DNAH8: variants seen among roughly 807,000 people sequenced by gnomAD.
DNAH8 encodes dynein axonemal heavy chain 8, also known as axonemal beta dynein heavy chain 8.
A neutral mutation model predicts 562.1 loss-of-function variants in DNAH8; 382 were observed. The observed-to-expected ratio is 0.68, with a 90% confidence interval of 0.63 to 0.74. The LOEUF (loss-of-function observed/expected upper bound fraction) is 0.74, where lower values mean the gene tolerates loss of function less well. Among genes scored for constraint, DNAH8 ranks in the 30% least tolerant of loss-of-function variants. DNAH8 has a pLI of 0.00. For missense variants in DNAH8, 5,203 were observed against 5,620.4 expected (o/e 0.93, Z 2.37); for synonymous variants, 1,881 against 1,919.4 (o/e 0.98, Z 0.52).
intron 7 of DNAH8, 61 bp from the exon 8 acceptor site, chr6:38,741,650 A>G: frequency 7.8e-6 from 11 of 1,406,252 alleles, no homozygotes; most frequent in Admixed American, 2.4e-5. Context: ...AAAAGATGCA[A>G]TCAGATTTTA....
intron 8 of DNAH8, among the ~76,000 whole-genome samples, chr6:38,748,759 A>AATAATAATAATAATG (rs1278322149): frequency 7.1e-6 from 1 of 140,924 alleles, no homozygotes; most frequent in African/African-American, 2.6e-5. Flanking sequence ...GTCTCAAAAT[A>AATAATAATAATAATG]ATAATAATAA....
intron 36 of DNAH8, among the ~76,000 whole-genome samples, chr6:38,847,541 T>C (rs1775394931): frequency 6.6e-6 from 1 of 152,070 alleles, no homozygotes; most frequent in African/African-American, 2.4e-5. Context: ...CTTAGAGCAA[T>C]TTATGTACAA....
intron 76 of DNAH8, among the ~76,000 whole-genome samples, chr6:38,932,220 G>T (rs527687689): frequency 1.1e-4 from 2 of 18,976 alleles, no homozygotes; most frequent in Non-Finnish European, 1.5e-4. Flanking sequence ...ACACACACCC[G>T]TCTCTTTCTA....
intron 76 of DNAH8, among the ~76,000 whole-genome samples, chr6:38,933,324 TG>T (rs916081434): frequency 6.6e-5 from 10 of 152,120 alleles, no homozygotes; most frequent in African/African-American, 2.4e-4. Context: ...GCAACCTTGC[TG>T]GAGAAAAAAA....
chr6:38,946,611 C>A (rs1761448726), intron 80 of DNAH8, among the ~76,000 whole-genome samples: 2 of 152,170 alleles, frequency 1.3e-5, no homozygotes, highest in Non-Finnish European at 2.9e-5. Flanking sequence ...GAGTTTGAGA[C>A]CAGCCTGACC....
At chr6:38,817,210 C>T (rs921800007) in intron 26 of DNAH8, among the ~76,000 whole-genome samples, 27 of 151,970 alleles carry the variant, frequency 1.8e-4, no homozygotes, top group African/African-American at 4.6e-4. Context: ...CCGGGCATGG[C>T]GGCACACACC....
Position 39,030,388 on chromosome 6 carries a change from A to G in DNAH8, c.14120A>G (p.Lys4707Arg), listed in dbSNP as rs749353362. Residue 4707 changes from lysine to arginine, a missense_variant, in exon 93 of 93, where the codon AAG (lysine) becomes AGG (arginine). By Grantham distance (26) the Lys-to-Arg change is conservative. This residue lies in a region of DNAH8 where 1,399 missense variants were observed against 1,518.4 expected (regional missense o/e 0.92). Transcript: ENST00000327475. ...GGAGTGGCCCTTTTGTGTGACATCA[A>G]GTAAGTTCATTTCCATCTGCTCAGG... Reference protein sequence around the residue: ...LRGVALLCDIK With the variant: ...LRGVALLCDIR The G allele has an allele frequency of 6.2e-6, 10 of 1,613,414 alleles. No homozygotes were observed. Among genetic ancestry groups the G allele is most frequent in the Non-Finnish European group, 8.5e-6 (10 of 1,179,492 alleles).
At chr6:38,854,208 G>A (rs1775999390) in intron 41 of DNAH8, among the ~76,000 whole-genome samples, 1 of 122,990 alleles carries the variant, frequency 8.1e-6, no homozygotes, top group Non-Finnish European at 1.8e-5. Context: ...GCTTTTTCAT[G>A]CAACTAATGT....
chr6:38,815,458 C>A lies in DNAH8; in HGVS notation c.3334-10C>A, dbSNP rs1562880890. ...CGGCAGTATTACACATTTGTTTCTT[C>A]TTTCCACAGGTGATGATTCCTAGTT... On this transcript the variant is annotated splice_polypyrimidine_tract_variant and intron_variant, in intron 25 of 92. Coordinates refer to ENST00000327475, the MANE Select transcript of DNAH8 (RefSeq NM_001206927.2). The A allele has an allele frequency of 6.2e-7, 1 of 1,607,976 alleles. No individual in the cohort carries two copies.
intron 32 of DNAH8, among the ~76,000 whole-genome samples, chr6:38,837,083 G>A (rs2150362541): frequency 6.6e-6 from 1 of 152,194 alleles, no homozygotes; most frequent in African/African-American, 2.4e-5. Context: ...TAACCACCAT[G>A]CCAACCACCA....
At chr6:38,986,831 G>A (rs1764430492) in intron 87 of DNAH8, among the ~76,000 whole-genome samples, 1 of 151,636 alleles carries the variant, frequency 6.6e-6, no homozygotes, top group Non-Finnish European at 1.5e-5. Context: ...GCAGGGAAGA[G>A]TTTTATTGGC....
intron 12 of DNAH8, among the ~76,000 whole-genome samples, chr6:38,770,895 G>A (rs1225438015): frequency 6.6e-6 from 1 of 152,210 alleles, no homozygotes; most frequent in Non-Finnish European, 1.5e-5. Context: ...TGCAATGCCT[G>A]ATAGAAGTCA....
chr6:38,832,585 C>A, intron 31 of DNAH8, 150 bp downstream of exon 31: 1 of 553,068 alleles, frequency 1.8e-6, no homozygotes, highest in Non-Finnish European at 3.2e-6. Flanking sequence ...ATAGCTAATC[C>A]TTTAAACCAG....
chr6:38,861,896 T>C (rs1451985443), intron 43 of DNAH8, among the ~76,000 whole-genome samples: 2 of 151,828 alleles, frequency 1.3e-5, no homozygotes, highest in African/African-American at 2.4e-5. Context: ...TAGCTTGCCA[T>C]TGACCACAGT....
chr6:38,864,299 A>T (rs1776875953), intron 45 of DNAH8, among the ~76,000 whole-genome samples: 1 of 152,200 alleles, frequency 6.6e-6, no homozygotes, highest in African/African-American at 2.4e-5. Flanking sequence ...ATAATAATAG[A>T]TACTGTTTAT....
rs1455303378 is a variant in DNAH8 at position 39,010,852 on chromosome 6, T to C, written c.13372-1363T>C. Among the ~76,000 whole-genome samples the C allele has an allele frequency of 2.0e-5, 3 of 148,994 alleles. No individual in the cohort carries two copies. The East Asian group carries it at 6.0e-4, about 30-fold the overall frequency. On this transcript the variant is annotated intron_variant, in intron 89 of 92. Transcript: ENST00000327475. ...ATGTATGTATGTATGTATGTATGTATGTATGTATGTATAGCATATACATAT... is the reference window on the plus strand; with the variant it reads ...ATGTATGTATGTATGTATGTATGTACGTATGTATGTATAGCATATACATAT...
intron 8 of DNAH8, among the ~76,000 whole-genome samples, chr6:38,746,854 G>A (rs1387892923): frequency 1.3e-5 from 2 of 151,866 alleles, no homozygotes; most frequent in Non-Finnish European, 2.9e-5. Flanking sequence ...ACTTGAACCC[G>A]GGAGGTAGAG....
In DNAH8 at chr6:38,723,353, C is replaced by G. The variant is rs773686512; in HGVS notation, c.407C>G (p.Ala136Gly). 6.2e-7 allele frequency: 1 copy of G among 1,606,552 alleles called. No homozygotes were observed. The highest frequency in any genetic ancestry group is 8.5e-7 in the Non-Finnish European group (1 of 1,178,428). The change falls in exon 3 of 93, where the codon GCA becomes GGA. Residue 136 changes from alanine (A) to glycine (G), a missense_variant. This residue lies in a region of DNAH8 where 556 missense variants were observed against 496.9 expected (regional missense o/e 1.12). Coordinates refer to ENST00000327475, the MANE Select transcript of DNAH8 (RefSeq NM_001206927.2). ...ATTCCTTAGGCAAGATTTAGAGAGG[C>G]AAGGGAAAGCCGAAGACTGAAAATT... is the stretch of plus-strand genomic sequence containing the variant. ...LKERQARFRE[A>G]RESRRLKIDP...
chr6:38,782,672 A>T (rs540526801), intron 16 of DNAH8, among the ~76,000 whole-genome samples: 1 of 152,340 alleles, frequency 6.6e-6, no homozygotes, highest in East Asian at 1.9e-4. Flanking sequence ...GGTTCAAGGA[A>T]CATCAGTCAA....
Sources: gnomAD v4.1 joint callset for allele counts (sites outside exome capture counted in the v4.1 genomes callset) on GRCh38, gnomAD v4.1.1 for gene constraint, gnomAD v4.1.1 regional missense constraint, MANE v1.5 for transcripts, NCBI Gene and HGNC (gene_info 2026-07-23, HGNC 2026-07-21) for gene names.